Variants in LDLRAD3 observed in about 807,000 individuals in gnomAD.
LDLRAD3 encodes the protein low-density lipoprotein receptor class A domain-containing protein 3.
Under a neutral mutation model 29.4 loss-of-function variants are expected in LDLRAD3, and 20 were observed. That is an observed-to-expected ratio of 0.68 (90% CI 0.48 to 0.99). The LOEUF is 0.99. Among genes scored for constraint, LDLRAD3 ranks in the 50% least tolerant of loss-of-function variants. The pLI, the probability that LDLRAD3 is intolerant of heterozygous loss-of-function variation, is 0.00. For synonymous variants in LDLRAD3, 157 were observed against 192.7 expected, an observed-to-expected ratio of 0.81 and a Z score of 1.53; for missense variants, 420 against 454.3, an observed-to-expected ratio of 0.92 and a Z score of 0.69.
chr11:36,194,358 C>G (rs1590346117), intron 4 of LDLRAD3, among the ~76,000 whole-genome samples: 1 of 152,296 alleles, frequency 6.6e-6, no homozygotes, highest in East Asian at 1.9e-4. Context: ...CTGGCCAAAG[C>G]CCATCACCTA....
chr11:36,100,088 T>C (rs1853423200), intron 4 of LDLRAD3, among the ~76,000 whole-genome samples: 1 of 152,034 alleles, frequency 6.6e-6, no homozygotes, highest in Admixed American at 6.6e-5. Flanking sequence ...GAAATGCAGT[T>C]GTTCAGGCCC....
Position 36,177,669 on chromosome 11 carries a change from A to G in LDLRAD3, c.455-49416A>G, listed in dbSNP as rs115929188. Among the ~76,000 whole-genome samples, 445 of 152,296 alleles carry G rather than the reference A, an allele frequency of 2.9e-3. 3 individuals carry two copies. The highest frequency in any genetic ancestry group is 0.01 in the African/African-American group (427 of 41,566). On this transcript the variant is annotated intron_variant, in intron 4 of 5. Transcript: ENST00000315571. ...CTGCAGAGAGTCAAAGAGTCCTGTA[A>G]TGTGATCCATCTTCACGTCTCTCAG... is the stretch of plus-strand genomic sequence containing the variant.
Position 36,199,599 on chromosome 11 carries a change from G to A in LDLRAD3, c.455-27486G>A, listed in dbSNP as rs539965931. Among the ~76,000 whole-genome samples, 55 of 138,452 alleles carry A rather than the reference G, an allele frequency of 4.0e-4. No individual in the cohort carries two copies. In the South Asian group the frequency reaches 5.7e-3, roughly 14 times the overall value. 90.8% of individuals were successfully genotyped at this position (138,452 alleles called of 152,430 possible). On this transcript the variant is annotated intron_variant, in intron 4 of 5. Transcript: ENST00000315571. The stretch of plus-strand genomic sequence containing the variant: ...CACACACACACACACGCACGCACGC[G>A]TGCGCGCACACGCTTTCTGGCTCAT...
At chr11:36,072,083 C>T (rs763657772) in intron 2 of LDLRAD3, among the ~76,000 whole-genome samples, 43 of 152,298 alleles carry the variant, frequency 2.8e-4, no homozygotes, top group Admixed American at 8.5e-4. Flanking sequence ...GCTCCTCATT[C>T]GTTGGGCTCT....
At chr11:36,032,400 G>A (rs1852246584) in intron 1 of LDLRAD3, among the ~76,000 whole-genome samples, 1 of 152,166 alleles carries the variant, frequency 6.6e-6, no homozygotes, top group African/African-American at 2.4e-5. Flanking sequence ...TATGGCCAGA[G>A]TTTTAGATTT....
chr11:36,123,586 C>A (rs10836501), intron 4 of LDLRAD3, among the ~76,000 whole-genome samples: 1 of 152,172 alleles, frequency 6.6e-6, no homozygotes, highest in African/African-American at 2.4e-5. Flanking sequence ...TATCTCCAGC[C>A]AGAGAGGCTG....
At chr11:35,974,880 A>G (rs138037601) in intron 1 of LDLRAD3, among the ~76,000 whole-genome samples, 1 of 152,346 alleles carries the variant, frequency 6.6e-6, no homozygotes, top group East Asian at 1.9e-4. Context: ...GGGCCTTAAG[A>G]GTCCACCTGC....
intron 4 of LDLRAD3, among the ~76,000 whole-genome samples, chr11:36,163,131 G>A (rs1177451548): frequency 6.6e-6 from 1 of 152,254 alleles, no homozygotes; most frequent in Non-Finnish European, 1.5e-5. Flanking sequence ...GAGAAGCCAG[G>A]GCGGATCAGC....
intron 4 of LDLRAD3, among the ~76,000 whole-genome samples, chr11:36,121,655 C>G (rs576530506): frequency 6.6e-6 from 1 of 152,322 alleles, no homozygotes; most frequent in Admixed American, 6.5e-5. Context: ...CAGAAGTGTT[C>G]AGGCAGGGAG....
chr11:35,972,754 A>T (rs1362763409), intron 1 of LDLRAD3: 2 of 152,188 alleles, frequency 1.3e-5, no homozygotes, highest in Non-Finnish European at 2.9e-5. Flanking sequence ...TTCAACATTT[A>T]AAAGGTATAA....
intron 2 of LDLRAD3, among the ~76,000 whole-genome samples, chr11:36,055,050 G>C (rs1473654488): frequency 4.8e-4 from 2 of 4,190 alleles, no homozygotes; most frequent in Non-Finnish European, 4.4e-4. Flanking sequence ...TGCATGGATG[G>C]ATAGATGAAT....
chr11:36,026,985 T>G (rs1202426437), intron 1 of LDLRAD3, among the ~76,000 whole-genome samples: 1 of 152,250 alleles, frequency 6.6e-6, no homozygotes, highest in Non-Finnish European at 1.5e-5. Context: ...AAACTTGCTC[T>G]CACGTTACTC....
intron 2 of LDLRAD3, among the ~76,000 whole-genome samples, chr11:36,050,323 A>C (rs1309865726): frequency 6.6e-6 from 1 of 152,150 alleles, no homozygotes; most frequent in Admixed American, 6.5e-5. Flanking sequence ...GCATGTCTGT[A>C]GACCTTGTCC....
rs11033379 is a variant in LDLRAD3, at chr11:36,025,148, C to A, written c.47-10955C>A. 4.8e-3 allele frequency among the ~76,000 whole-genome samples: 738 copies of A among 152,236 alleles called. 8 individuals are homozygous for A. Among genetic ancestry groups the A allele is most frequent in the African/African-American group, 0.017 (702 of 41,542 alleles). ...TATGAATGCTTGCCCCCTTTTATCT[C>A]GCATTCCTTTGTAGTTGGTGGGGTT... On this transcript the variant is annotated intron_variant, in intron 1 of 5. Transcript: ENST00000315571.
At chr11:35,988,176 G>C (rs1189456222) in intron 1 of LDLRAD3, among the ~76,000 whole-genome samples, 2 of 152,040 alleles carry the variant, frequency 1.3e-5, no homozygotes, top group African/African-American at 4.8e-5. Flanking sequence ...TCCCATCTTA[G>C]CCTCCCAATT....
intron 1 of LDLRAD3, among the ~76,000 whole-genome samples, chr11:36,000,246 C>T (rs909079674): frequency 6.7e-6 from 1 of 148,862 alleles, no homozygotes. Flanking sequence ...TGTATACATG[C>T]TATATACTAT....
chr11:36,100,975 T>C (rs1853438353), intron 4 of LDLRAD3, among the ~76,000 whole-genome samples: 1 of 152,170 alleles, frequency 6.6e-6, no homozygotes, highest in Non-Finnish European at 1.5e-5. Context: ...AAATTCTGCT[T>C]TTTCTCTCTC....
At chr11:36,133,118 C>G (rs1853949938) in intron 4 of LDLRAD3, among the ~76,000 whole-genome samples, 1 of 152,118 alleles carries the variant, frequency 6.6e-6, no homozygotes, top group Admixed American at 6.5e-5. Context: ...ACTTAGCTCT[C>G]CTTTTGCATT....
intron 4 of LDLRAD3, among the ~76,000 whole-genome samples, chr11:36,132,163 A>G (rs1853935672): frequency 1.3e-5 from 2 of 152,154 alleles, no homozygotes; most frequent in African/African-American, 4.8e-5. Flanking sequence ...GGTGAGATTA[A>G]TATGAACACG....
Sources: allele counts gnomAD v4.1 joint callset (sites outside exome capture counted in the v4.1 genomes callset), GRCh38; gene constraint gnomAD v4.1.1; transcripts MANE v1.5; gene names NCBI Gene and HGNC (gene_info 2026-07-23, HGNC 2026-07-21).